ERG28: variants seen among roughly 807,000 people sequenced by gnomAD.
ERG28 encodes ergosterol biosynthesis 28 homolog.
A neutral mutation model predicts 15.7 loss-of-function variants in ERG28; 9 were observed. The observed-to-expected ratio is 0.57, with a 90% confidence interval of 0.35 to 1.00. The LOEUF (loss-of-function observed/expected upper bound fraction) is 1.00. Ranked by LOEUF, ERG28 falls within the 50% of genes least tolerant of loss-of-function variation. ERG28 has a pLI of 0.02. For missense variants in ERG28, 117 were observed against 173.3 expected (o/e 0.68, Z 1.82); for synonymous variants, 61 against 68.4 (o/e 0.89, Z 0.53).
intron 1 of ERG28, among the ~76,000 whole-genome samples, chr14:75,658,423 T>G (rs545855230): frequency 1.3e-5 from 2 of 152,266 alleles, no homozygotes; most frequent in African/African-American, 4.8e-5. Flanking sequence ...TTGCAGCTCA[T>G]CCAGCTCACA....
intron 1 of ERG28, among the ~76,000 whole-genome samples, chr14:75,660,308 C>T (rs1890668971): frequency 6.6e-6 from 1 of 152,192 alleles, no homozygotes; most frequent in Non-Finnish European, 1.5e-5. Context: ...TTGTCCTGGC[C>T]CTGGCCCAGC....
chr14:75,659,060 A>G (rs976781392), intron 1 of ERG28, among the ~76,000 whole-genome samples: 60 of 152,210 alleles, frequency 3.9e-4, no homozygotes, highest in African/African-American at 1.3e-3. Flanking sequence ...AGCACCTAAC[A>G]TATATTACCA....
At chr14:75,655,643 C>T (rs1462823683) in intron 2 of ERG28, among the ~76,000 whole-genome samples, 1 of 152,176 alleles carries the variant, frequency 6.6e-6, no homozygotes, top group African/African-American at 2.4e-5. Flanking sequence ...CATATTCCAC[C>T]ATAACAGTGG....
chr14:75,654,785 G>A (rs1028799002), intron 3 of ERG28, 101 bp downstream of exon 3: 2 of 1,203,440 alleles, frequency 1.7e-6, no homozygotes, highest in Non-Finnish European at 2.5e-6. Context: ...CTAAGCTAAT[G>A]CATTAAAATG....
chr14:75,649,992 C>T lies in ERG28; in HGVS notation c.*1563G>A, dbSNP rs1566801224. ...GTAAGACCCCATCTCTTCCCACCCC[C>T]AAAAATGTTAGCTGGATGTGGTGGT... On this transcript the variant is annotated 3_prime_UTR_variant, in exon 5 of 5. Transcript: ENST00000256319. The T allele has an allele frequency of 6.6e-6, 1 of 152,190 alleles. No homozygotes were observed. Among genetic ancestry groups the T allele is most frequent in the Non-Finnish European group, 1.5e-5 (1 of 68,066 alleles). The allele number at this position is 152,190 out of a possible 1,614,324, so 9.4% of individuals were successfully genotyped here.
At position 75,654,290 on chromosome 14, in the gene ERG28, T is replaced by C. The variant is rs935462978; in HGVS notation, c.224+596A>G. Among the ~76,000 whole-genome samples the C allele has an allele frequency of 5.3e-5, 8 of 152,306 alleles. No homozygotes were observed. The South Asian group carries it at 1.2e-3, about 24-fold the overall frequency. ...ACTGTTTCCACCTAGAGTGTGATGATGACTCCCGCTGGGAAGAAAGCTCGA... is the reference window on the plus strand; with the variant it reads ...ACTGTTTCCACCTAGAGTGTGATGACGACTCCCGCTGGGAAGAAAGCTCGA... On this transcript the variant is annotated intron_variant, in intron 3 of 4. Coordinates refer to ENST00000256319, the MANE Select transcript of ERG28 (RefSeq NM_007176.4).
In ERG28 at chr14:75,651,426, A is replaced by G; in HGVS notation, c.*129T>C. ...GCATATCTTTAAATTTTAAAAATTA[A>G]AAAAAGAGGCTAAAAGTGAATAAAA... On this transcript the variant is annotated 3_prime_UTR_variant, in exon 5 of 5. Coordinates refer to ENST00000256319, the MANE Select transcript of ERG28 (RefSeq NM_007176.4). The G allele has an allele frequency of 1.1e-6, 1 of 901,860 alleles. No homozygotes were observed. The highest frequency in any genetic ancestry group is 1.7e-6 in the Non-Finnish European group (1 of 589,490). 55.9% of individuals were successfully genotyped at this position (901,860 alleles called of 1,614,324 possible).
At chr14:75,653,607 G>GAAAAAA (rs758218155) in intron 3 of ERG28, among the ~76,000 whole-genome samples, 1 of 108,844 alleles carries the variant, frequency 9.2e-6, no homozygotes, top group Non-Finnish European at 1.9e-5. Flanking sequence ...GACTGTCTCA[G>GAAAAAA]AAAAAAAAAA....
Position 75,651,836 on chromosome 14 carries a change from G to A in ERG28, c.278C>T (p.Ser93Phe). Residue 93 changes from serine to phenylalanine, a missense_variant, in exon 4 of 5, where the codon TCT becomes TTT. Transcript: ENST00000256319. ...TFLLALGHFL[S>F]ELFVYGTAAP... ...TGCAGTTCCATAGACAAACAACTCA[G>A]AGAGGAAATGCCCCAGGGCAAGGAG... The A allele has an allele frequency of 6.2e-7, 1 of 1,614,160 alleles. No individual in the cohort carries two copies.
intron 2 of ERG28, among the ~76,000 whole-genome samples, chr14:75,656,293 CA>C (rs1321357154): frequency 2.8e-5 from 4 of 142,720 alleles, no homozygotes; most frequent in Non-Finnish European, 6.0e-5. Flanking sequence ...CACACACACA[CA>C]CACACACACA....
At chr14:75,659,751 TA>T (rs1890653013) in intron 1 of ERG28, among the ~76,000 whole-genome samples, 1 of 152,176 alleles carries the variant, frequency 6.6e-6, no homozygotes, top group Non-Finnish European at 1.5e-5. Context: ...GAAGTGGTAA[TA>T]AACTAACAGG....
intron 1 of ERG28, among the ~76,000 whole-genome samples, chr14:75,659,741 G>T (rs531111531): frequency 1.3e-5 from 2 of 152,110 alleles, no homozygotes; most frequent in African/African-American, 4.8e-5. Flanking sequence ...TCTTGGGCCT[G>T]AAGTGGTAAT....
chr14:75,654,906 G>A lies in ERG28; in HGVS notation c.204C>T (p.Ala68=). The A allele has an allele frequency of 6.2e-7, 1 of 1,613,884 alleles. No homozygotes were observed. Among genetic ancestry groups the A allele is most frequent in the East Asian group, 2.2e-5 (1 of 44,888 alleles). The stretch of plus-strand genomic sequence containing the variant: ...CATACGTCTTGTTGTGAATGTCAAT[G>A]GCACAGAGGCAGCGAATCACTGATG... ...LLSSVIRCLC[A]IDIHNKTLYH... is the part of the protein sequence containing the mutation. Residue 68 remains alanine (A), a synonymous_variant, in exon 3 of 5, where the codon GCC becomes GCT. Coordinates refer to ENST00000256319, the MANE Select transcript of ERG28 (RefSeq NM_007176.4).
rs943219499 is a variant in ERG28 at position 75,652,980 on chromosome 14, C to T, written c.225-1091G>A. Among the ~76,000 whole-genome samples, 5 of 151,984 alleles carry T rather than the reference C, an allele frequency of 3.3e-5. No homozygotes were observed. In the East Asian group the frequency reaches 5.9e-4, roughly 18 times the overall value. On this transcript the variant is annotated intron_variant, in intron 3 of 4. Transcript: ENST00000256319. ...CTGGGACTACAGGTGCACACCACCA[C>T]GCCCAGCTAATTTTTGTATTTTTAG... is the stretch of plus-strand genomic sequence containing the variant.
At chr14:75,657,232 G>T in intron 2 of ERG28, 138 bp downstream of exon 2, 1 of 1,066,804 alleles carries the variant, frequency 9.4e-7, no homozygotes, top group Non-Finnish European at 1.3e-6. Flanking sequence ...TCAATAAATA[G>T]GTTTGGTGAG....
intron 1 of ERG28, among the ~76,000 whole-genome samples, chr14:75,659,663 T>C (rs947118385): frequency 6.6e-6 from 1 of 151,832 alleles, no homozygotes; most frequent in South Asian, 2.1e-4. Context: ...AATCTAATAA[T>C]GGAATGACTT....
chr14:75,660,220 T>C (rs1403176478), intron 1 of ERG28, among the ~76,000 whole-genome samples: 3 of 152,214 alleles, frequency 2.0e-5, no homozygotes, highest in Non-Finnish European at 4.4e-5. Flanking sequence ...ACTTCTGAAT[T>C]GCTCTGCCAA....
intron 2 of ERG28, among the ~76,000 whole-genome samples, chr14:75,655,990 C>A (rs1890590515): frequency 6.6e-6 from 1 of 152,164 alleles, no homozygotes; most frequent in Admixed American, 6.5e-5. Context: ...AATCAGACAG[C>A]TCTCCCAAAT....
Position 75,654,868 on chromosome 14 carries a change from C to G in ERG28, c.224+18G>C. The stretch of plus-strand genomic sequence containing the variant: ...TTTCCAACAAAAGGATGCTAAAGCT[C>G]TTCCTTCCCTTACATACGTCTTGTT... On this transcript the variant is annotated intron_variant, in intron 3 of 4. Coordinates refer to ENST00000256319, the MANE Select transcript of ERG28 (RefSeq NM_007176.4). 6.2e-7 allele frequency: 1 copy of G among 1,600,234 alleles called. No individual in the cohort carries two copies. Among genetic ancestry groups the G allele is most frequent in the East Asian group, 2.2e-5 (1 of 44,828 alleles).
Sources: allele counts gnomAD v4.1 joint callset (sites outside exome capture counted in the v4.1 genomes callset), GRCh38; gene constraint gnomAD v4.1.1; transcripts MANE v1.5; gene names NCBI Gene and HGNC (gene_info 2026-07-23, HGNC 2026-07-21).